The following FCHO2 variants were observed in gnomAD, a reference collection of about 807,000 sequenced individuals.
FCHO2 encodes the protein F-BAR domain only protein 2.
In FCHO2, 43 loss-of-function variants were observed where a neutral mutation model predicts 114.1. That is an observed-to-expected ratio of 0.38 (90% CI 0.30 to 0.49). The LOEUF is 0.49. Among genes scored for constraint, FCHO2 ranks in the 20% least tolerant of loss-of-function variants. The probability of loss-of-function intolerance (pLI) is 0.97; values close to 1 mark genes in which losing one functional copy is unlikely to be tolerated. For synonymous variants in FCHO2, 293 were observed against 315.2 expected, an observed-to-expected ratio of 0.93 and a Z score of 0.75; for missense variants, 807 against 950.4, an observed-to-expected ratio of 0.85 and a Z score of 1.98.
In FCHO2 at chr5:73,037,140, A is replaced by G; in HGVS notation, c.842-3A>G. The G allele has an allele frequency of 6.5e-7, 1 of 1,527,760 alleles. No individual in the cohort carries two copies. Among genetic ancestry groups the G allele is most frequent in the Non-Finnish European group, 8.9e-7 (1 of 1,126,768 alleles). The allele number at this position is 1,527,760 out of a possible 1,614,324, so 94.6% of individuals were successfully genotyped here. ...TCTGTAACAATATATATTTATTTTA[A>G]AGGTATAAAACCAAGGAAAAGAAAG... On this transcript the variant is annotated splice_polypyrimidine_tract_variant and splice_region_variant and intron_variant, in intron 9 of 25. Transcript: ENST00000430046.
rs189980001 is a variant in FCHO2, at chr5:72,991,220, A to G, written c.495+356A>G. On this transcript the variant is annotated intron_variant, in intron 5 of 25. Transcript: ENST00000430046. The stretch of plus-strand genomic sequence containing the variant: ...GCTGGGATTACAGGCGCATGACACC[A>G]CATCCGGCTAATTTTGTATTTTTAG... Among the ~76,000 whole-genome samples, 289 of 152,246 alleles carry G rather than the reference A, an allele frequency of 1.9e-3. 5 individuals are homozygous for G. Among genetic ancestry groups the G allele is most frequent in the African/African-American group, 6.5e-3 (272 of 41,550 alleles).
chr5:73,052,049 G>A (rs549009764), intron 12 of FCHO2, among the ~76,000 whole-genome samples: 3 of 151,988 alleles, frequency 2.0e-5, no homozygotes, highest in African/African-American at 4.8e-5. Context: ...TCAGCCTCCC[G>A]ATTGTCTGGG....
intron 2 of FCHO2, among the ~76,000 whole-genome samples, chr5:72,985,026 C>T (rs1753429336): frequency 6.6e-6 from 1 of 152,106 alleles, no homozygotes; most frequent in African/African-American, 2.4e-5. Flanking sequence ...TTGAAGAAAC[C>T]AGAGTATTTG....
intron 2 of FCHO2, 36 bp downstream of exon 2, chr5:72,968,625 C>A: frequency 7.4e-7 from 1 of 1,350,810 alleles, no homozygotes; most frequent in Non-Finnish European, 9.9e-7. Flanking sequence ...TGTTTAACAA[C>A]TTAATAGCAA....
chr5:73,050,254 A>G (rs983783228), intron 11 of FCHO2, among the ~76,000 whole-genome samples: 4 of 151,792 alleles, frequency 2.6e-5, no homozygotes, highest in Admixed American at 2.0e-4. Flanking sequence ...CTTGATCTAC[A>G]GGTTCCCCTT....
chr5:73,072,190 G>C (rs1222351817), intron 19 of FCHO2, among the ~76,000 whole-genome samples: 2 of 151,798 alleles, frequency 1.3e-5, no homozygotes, highest in Non-Finnish European at 2.9e-5. Flanking sequence ...CAGTACACCT[G>C]GTCAGGGAAT....
intron 2 of FCHO2, among the ~76,000 whole-genome samples, chr5:72,983,978 T>C (rs909308733): frequency 1.3e-5 from 2 of 152,024 alleles, no homozygotes; most frequent in African/African-American, 4.8e-5. Context: ...TCCAAGGTGG[T>C]TGTATCAGTT....
chr5:72,991,051 T>A (rs1169248798), intron 5 of FCHO2, among the ~76,000 whole-genome samples, 187 bp downstream of exon 5: 1 of 152,110 alleles, frequency 6.6e-6, no homozygotes, highest in Non-Finnish European at 1.5e-5. Flanking sequence ...GGTAAATAGG[T>A]TAGCGAGCAC....
intron 2 of FCHO2, among the ~76,000 whole-genome samples, chr5:72,975,262 A>G (rs1434544827): frequency 6.6e-6 from 1 of 152,226 alleles, no homozygotes; most frequent in Non-Finnish European, 1.5e-5. Context: ...ACAATAGGAT[A>G]ATCATATTTC....
At chr5:72,967,502 A>C (rs1437666682) in intron 1 of FCHO2, among the ~76,000 whole-genome samples, 1 of 152,222 alleles carries the variant, frequency 6.6e-6, no homozygotes, top group Non-Finnish European at 1.5e-5. Flanking sequence ...CAAATTAAAT[A>C]ATCAGGAATT....
chr5:73,029,239 T>C (rs188047880), intron 8 of FCHO2, among the ~76,000 whole-genome samples: 1 of 152,308 alleles, frequency 6.6e-6, no homozygotes, highest in East Asian at 1.9e-4. Context: ...TGAAAGGATA[T>C]GGTTGCAACT....
chr5:73,040,757 A>G (rs967917709), intron 10 of FCHO2, among the ~76,000 whole-genome samples: 4 of 152,148 alleles, frequency 2.6e-5, no homozygotes, highest in Non-Finnish European at 4.4e-5. Context: ...TTTTGTATCT[A>G]CTAAGTTATG....
rs1245837498 is a variant in FCHO2 at position 73,063,906 on chromosome 5, A to C, written c.1411A>C (p.Lys471Gln). ...ACCTCCGAGGCCTGCTTCCAGACCA[A>C]AGCTTACTTCAGGCAAACTCAGTGG... is the stretch of plus-strand genomic sequence containing the variant. Reference protein sequence around the residue: ...VPPPRPASRPKLTSGKLSGIN... With the variant: ...VPPPRPASRPQLTSGKLSGIN... Residue 471 changes from lysine to glutamine, a missense_variant, in exon 18 of 26, where the codon AAG (lysine) becomes CAG (glutamine). Transcript: ENST00000430046. The C allele has an allele frequency of 1.6e-5, 26 of 1,611,686 alleles. No individual in the cohort carries two copies. The highest frequency in any genetic ancestry group is 2.2e-5 in the Non-Finnish European group (26 of 1,178,760).
At chr5:73,087,538 T>TG in intron 24 of FCHO2, 51 bp from the exon 25 acceptor site, 1 of 1,585,686 alleles carries the variant, frequency 6.3e-7, no homozygotes. Context: ...GATTCTATTT[T>TG]GTTTGAAATG....
intron 2 of FCHO2, among the ~76,000 whole-genome samples, chr5:72,972,979 G>A (rs1349253855): frequency 6.6e-6 from 1 of 152,146 alleles, no homozygotes; most frequent in South Asian, 2.1e-4. Context: ...TTTGTCTTTT[G>A]TTCTGTTTAT....
intron 25 of FCHO2, 46 bp from the exon 26 acceptor site, chr5:73,088,022 G>C (rs775063455): frequency 6.2e-7 from 1 of 1,610,744 alleles, no homozygotes; most frequent in Non-Finnish European, 8.5e-7. Context: ...TGTCCTTAGA[G>C]TGCATTTGAA....
intron 8 of FCHO2, among the ~76,000 whole-genome samples, chr5:73,025,015 G>A (rs1755840628): frequency 6.6e-6 from 1 of 152,008 alleles, no homozygotes; most frequent in African/African-American, 2.4e-5. Flanking sequence ...TGATGACATG[G>A]GCTTTCGTAG....
At chr5:73,081,311 T>C (rs1743081909) in intron 22 of FCHO2, among the ~76,000 whole-genome samples, 1 of 152,216 alleles carries the variant, frequency 6.6e-6, no homozygotes. Context: ...GTGAGTCATG[T>C]GATTAAACAT....
chr5:72,978,355 A>T (rs2112633466), intron 2 of FCHO2, among the ~76,000 whole-genome samples: 1 of 152,112 alleles, frequency 6.6e-6, no homozygotes, highest in South Asian at 2.1e-4. Flanking sequence ...TAGGTATTTT[A>T]TTCTTTTTGT....
Sources: allele counts gnomAD v4.1 joint callset (sites outside exome capture counted in the v4.1 genomes callset), GRCh38; gene constraint gnomAD v4.1.1; transcripts MANE v1.5; gene names NCBI Gene and HGNC (gene_info 2026-07-23, HGNC 2026-07-21).